The following SERGEF variants were observed in gnomAD, a reference collection of about 807,000 sequenced individuals.
SERGEF encodes the protein secretion-regulating guanine nucleotide exchange factor.
In SERGEF, 51 loss-of-function variants were observed where a neutral mutation model predicts 50.0. The ratio of observed to expected loss-of-function variants is 1.02; its 90% CI spans 0.81 to 1.29. The LOEUF (loss-of-function observed/expected upper bound fraction) is 1.29, where lower values mean the gene tolerates loss of function less well. Ranked by LOEUF, SERGEF falls within the 50% of genes most tolerant of loss-of-function variation. The probability of loss-of-function intolerance (pLI) is 0.00; values close to 1 mark genes in which losing one functional copy is unlikely to be tolerated. For synonymous variants in SERGEF, 205 were observed against 212.4 expected (o/e 0.97, Z 0.30); for missense variants, 521 against 557.0 (o/e 0.94, Z 0.65).
intron 10 of SERGEF, among the ~76,000 whole-genome samples, chr11:17,795,288 G>A (rs1849554697): frequency 6.6e-6 from 1 of 152,170 alleles, no homozygotes; most frequent in African/African-American, 2.4e-5. Flanking sequence ...GCAGCAACTG[G>A]TAGAACTGTC....
chr11:17,998,534 G>GTA (rs1424058326), intron 5 of SERGEF, among the ~76,000 whole-genome samples: 1 of 137,470 alleles, frequency 7.3e-6, no homozygotes, highest in Non-Finnish European at 1.6e-5. Flanking sequence ...TTATATGTGT[G>GTA]TGTGTGTGTG....
At chr11:17,986,354 C>T (rs796566677) in intron 8 of SERGEF, among the ~76,000 whole-genome samples, 8 of 152,334 alleles carry the variant, frequency 5.3e-5, no homozygotes, top group African/African-American at 1.9e-4. Flanking sequence ...ATTCAAACAT[C>T]CCAGGTTTAA....
At chr11:17,946,606 T>C (rs564749582) in intron 9 of SERGEF, among the ~76,000 whole-genome samples, 3 of 152,274 alleles carry the variant, frequency 2.0e-5, no homozygotes, top group African/African-American at 7.2e-5. Context: ...AAATGCATTA[T>C]ACAGCAGTAA....
At chr11:18,000,696 C>T (rs998099416) in intron 4 of SERGEF, 139 bp from the exon 5 acceptor site, 4 of 724,056 alleles carry the variant, frequency 5.5e-6, no homozygotes, top group Admixed American at 4.0e-5. Flanking sequence ...CCAATATTTC[C>T]ACCCATTAAT....
intron 10 of SERGEF, among the ~76,000 whole-genome samples, chr11:17,837,858 G>C (rs1850431147): frequency 1.3e-5 from 2 of 151,764 alleles, no homozygotes; most frequent in African/African-American, 2.4e-5. Flanking sequence ...GAGATGGGGG[G>C]GTTTCACTAT....
At chr11:17,955,749 T>C (rs187220309) in intron 9 of SERGEF, among the ~76,000 whole-genome samples, 307 of 152,146 alleles carry the variant, frequency 2.0e-3, no homozygotes, top group African/African-American at 7.1e-3. Context: ...TAAACTGGAA[T>C]AGGAGGGCTT....
intron 1 of SERGEF, among the ~76,000 whole-genome samples, chr11:18,010,909 C>T (rs1337665140): frequency 1.3e-5 from 2 of 152,162 alleles, no homozygotes; most frequent in African/African-American, 2.4e-5. Context: ...ATCTCCGTGG[C>T]TGTCCCATTA....
chr11:17,896,780 G>C lies in SERGEF; in HGVS notation c.1012-18536C>G, dbSNP rs374695643. ...TAAGGGAAGGGAAGGGTAAGGGAAG[G>C]GTAAGGGAAGGGTAAGGGAAGGGTA... On this transcript the variant is annotated intron_variant, in intron 9 of 10. Coordinates refer to ENST00000265965, the MANE Select transcript of SERGEF (RefSeq NM_012139.4). 3.4e-4 allele frequency among the ~76,000 whole-genome samples: 44 copies of C among 127,834 alleles called. 2 individuals are homozygous for C. The East Asian group carries it at 0.013, about 37-fold the overall frequency. 83.9% of individuals were successfully genotyped at this position (127,834 alleles called of 152,430 possible).
At chr11:17,795,182 T>C (rs916052225) in intron 10 of SERGEF, among the ~76,000 whole-genome samples, 3 of 152,156 alleles carry the variant, frequency 2.0e-5, no homozygotes, top group African/African-American at 7.2e-5. Context: ...TTCTGGTACA[T>C]GTCAGGAAGG....
intron 10 of SERGEF, among the ~76,000 whole-genome samples, chr11:17,843,108 A>G (rs1390233640): frequency 2.6e-5 from 4 of 152,210 alleles, no homozygotes; most frequent in Non-Finnish European, 5.9e-5. Context: ...CCACACTTAA[A>G]GTCAGGAGAT....
intron 10 of SERGEF, among the ~76,000 whole-genome samples, chr11:17,802,217 G>T (rs1186955857): frequency 6.6e-6 from 1 of 152,162 alleles, no homozygotes; most frequent in East Asian, 1.9e-4. Flanking sequence ...CTCTCTTTGG[G>T]ACATCTAATT....
At chr11:17,998,053 A>G (rs893362765) in intron 5 of SERGEF, among the ~76,000 whole-genome samples, 2 of 152,134 alleles carry the variant, frequency 1.3e-5, no homozygotes, top group Non-Finnish European at 2.9e-5. Context: ...TAAAATTAAG[A>G]AAAAAATAAT....
At chr11:17,916,724 C>G (rs986154938) in intron 9 of SERGEF, among the ~76,000 whole-genome samples, 1 of 152,164 alleles carries the variant, frequency 6.6e-6, no homozygotes, top group Admixed American at 6.5e-5. Context: ...ATAAGACATT[C>G]CAAGCCTGGT....
chr11:17,828,787 A>G (rs969433944), intron 10 of SERGEF, among the ~76,000 whole-genome samples: 39 of 152,152 alleles, frequency 2.6e-4, no homozygotes, highest in African/African-American at 9.2e-4. Context: ...TCCAACCCAG[A>G]AAGTCCTAGT....
rs1179515752 is a variant in SERGEF at position 18,012,943 on chromosome 11, T to C, written c.60+8A>G. On this transcript the variant is annotated splice_region_variant and intron_variant, in intron 1 of 10. Coordinates refer to ENST00000265965, the MANE Select transcript of SERGEF (RefSeq NM_012139.4). ...GGCCTGCACCGGCCCGGGGGCGGAG[T>C]CACGTACCCAGGCGAAGAGCGCGGC... 6.6e-7 allele frequency: 1 copy of C among 1,506,340 alleles called. No individual in the cohort carries two copies. The highest frequency in any genetic ancestry group is 8.8e-7 in the Non-Finnish European group (1 of 1,136,776). 93.3% of individuals were successfully genotyped at this position (1,506,340 alleles called of 1,614,324 possible).
intron 9 of SERGEF, among the ~76,000 whole-genome samples, chr11:17,911,900 G>T (rs904373207): frequency 6.6e-6 from 1 of 152,150 alleles, no homozygotes; most frequent in African/African-American, 2.4e-5. Context: ...TGGAAGCAGG[G>T]AAGTCAAGTG....
At chr11:17,988,946 C>G (rs1332478349) in intron 7 of SERGEF, among the ~76,000 whole-genome samples, 191 bp from the exon 8 acceptor site, 1 of 152,148 alleles carries the variant, frequency 6.6e-6, no homozygotes, top group African/African-American at 2.4e-5. Context: ...TTCAAAAATT[C>G]TATACATAAA....
intron 9 of SERGEF, among the ~76,000 whole-genome samples, chr11:17,952,330 A>C (rs1448698188): frequency 6.6e-6 from 1 of 152,228 alleles, no homozygotes; most frequent in Non-Finnish European, 1.5e-5. Context: ...ATGACAAAAG[A>C]GGTACACAGT....
intron 9 of SERGEF, among the ~76,000 whole-genome samples, chr11:17,891,230 C>T (rs373068256): frequency 4.1e-4 from 62 of 152,214 alleles, no homozygotes; most frequent in African/African-American, 1.5e-3. Flanking sequence ...AATTCCTAAA[C>T]TCAGTTTCAA....
Sources: gnomAD v4.1 joint callset for allele counts (sites outside exome capture counted in the v4.1 genomes callset) on GRCh38, gnomAD v4.1.1 for gene constraint, MANE v1.5 for transcripts, NCBI Gene and HGNC (gene_info 2026-07-23, HGNC 2026-07-21) for gene names.